CACNA1D: variants seen among roughly 807,000 people sequenced by gnomAD.
CACNA1D encodes voltage-dependent L-type calcium channel subunit alpha-1D.
In CACNA1D, 55 loss-of-function variants were observed where a neutral mutation model predicts 257.1. That is an observed-to-expected ratio of 0.21 (90% CI 0.17 to 0.27). The LOEUF is 0.27. CACNA1D is among the 10% of genes least tolerant of loss of function. The pLI is 1.00. For missense variants in CACNA1D, 1,876 were observed against 2,784.0 expected (o/e 0.67, Z 7.34); for synonymous variants, 980 against 1,014.9 (o/e 0.97, Z 0.65).
chr3:53,673,977 A>G lies in CACNA1D; in HGVS notation c.1220+851A>G. 1.4e-6 allele frequency: 1 copy of G among 702,480 alleles called. No individual in the cohort carries two copies. Among genetic ancestry groups the G allele is most frequent in the South Asian group, 1.5e-5 (1 of 66,124 alleles). The allele number at this position is 702,480 out of a possible 1,614,324, so 43.5% of individuals were successfully genotyped here. A position where few individuals can be genotyped will look rare whatever the true frequency, so the allele number is the denominator to read the frequency against. On this transcript the variant is annotated intron_variant, in intron 8 of 47. Coordinates refer to ENST00000350061, the MANE Select transcript of CACNA1D (RefSeq NM_001128840.3). This position sits in a 1 kb window ranked among gnomAD's most constrained non-coding sequence, Gnocchi z 4.1. Reference sequence around the variant, plus strand: ...TTGAACTGTGATTCTTTCTGCCTGTATCTGTCTGTGAGATTCCGTGTTTCC... The same window carrying G: ...TTGAACTGTGATTCTTTCTGCCTGTGTCTGTCTGTGAGATTCCGTGTTTCC...
intron 29 of CACNA1D, among the ~76,000 whole-genome samples, chr3:53,755,938 G>T (rs989955302): frequency 7.9e-5 from 12 of 152,196 alleles, no homozygotes. Flanking sequence ...TGTCAAGGCT[G>T]CAGAAGGAGG....
intron 5 of CACNA1D, among the ~76,000 whole-genome samples, chr3:53,665,183 A>G (rs967289172): frequency 6.6e-6 from 1 of 151,846 alleles, no homozygotes; most frequent in Non-Finnish European, 1.5e-5. Flanking sequence ...ACACCTATTA[A>G]TTTTAACTAT....
intron 40 of CACNA1D, among the ~76,000 whole-genome samples, chr3:53,792,638 C>A (rs1235190492): frequency 6.6e-6 from 1 of 152,096 alleles, no homozygotes; most frequent in Non-Finnish European, 1.5e-5. Flanking sequence ...CCTGGGAGGG[C>A]AGGAGTCCCA....
Position 53,673,604 on chromosome 3 carries a change from C to T in CACNA1D, c.1220+478C>T. ...GGAAGGACCTAGGCCCAGTCCCTGT[C>T]CTAGGAGCACTAACCTTCAGCAAAG... On this transcript the variant is annotated intron_variant, in intron 8 of 47. Transcript: ENST00000350061. The surrounding 1 kb of genome is among the most constrained non-coding windows in gnomAD (Gnocchi z 4.1). The T allele has an allele frequency of 1.2e-6, 1 of 834,270 alleles. No individual in the cohort carries two copies. The highest frequency in any genetic ancestry group is 1.7e-5 in the African/African-American group (1 of 59,912). The allele number at this position is 834,270 out of a possible 1,614,324, so 51.7% of individuals were successfully genotyped here. A position where few individuals can be genotyped will look rare whatever the true frequency, so the allele number is the denominator to read the frequency against.
chr3:53,553,493 A>T (rs2092577039), intron 3 of CACNA1D, among the ~76,000 whole-genome samples: 1 of 152,172 alleles, frequency 6.6e-6, no homozygotes, highest in Non-Finnish European at 1.5e-5. Context: ...TGCTGCCACC[A>T]CTGCCAGGTA....
chr3:53,714,149 T>G (rs945314524), intron 9 of CACNA1D, among the ~76,000 whole-genome samples: 1 of 152,308 alleles, frequency 6.6e-6, no homozygotes, highest in East Asian at 1.9e-4. Context: ...GCTCTAACAT[T>G]CCAGTTTCCT....
In CACNA1D at chr3:53,789,304, A is replaced by AT. The variant is rs1177544091; in HGVS notation, c.4923+2353dup. On this transcript the variant is annotated intron_variant, in intron 40 of 47. Transcript: ENST00000350061. The surrounding 1 kb of genome is among the most constrained non-coding windows in gnomAD (Gnocchi z 4.2). ...AAATTAAGTTGTGTTCATAATCTTAATAGAGAAACTGAAAATGTACTTGAT... is the reference window on the plus strand; with the variant it reads ...AAATTAAGTTGTGTTCATAATCTTAATTAGAGAAACTGAAAATGTACTTGAT... Among the ~76,000 whole-genome samples, 1 of 152,254 alleles carries AT rather than the reference A, an allele frequency of 6.6e-6. No homozygotes were observed. Among genetic ancestry groups the AT allele is most frequent in the African/African-American group, 2.4e-5 (1 of 41,468 alleles).
At chr3:53,695,816 T>G (rs2094568137) in intron 8 of CACNA1D, among the ~76,000 whole-genome samples, 1 of 152,218 alleles carries the variant, frequency 6.6e-6, no homozygotes, top group Non-Finnish European at 1.5e-5. Flanking sequence ...CATTTTCTGT[T>G]CACGCATAAC....
At chr3:53,586,273 AT>A (rs1575980199) in intron 3 of CACNA1D, among the ~76,000 whole-genome samples, 2 of 124,552 alleles carry the variant, frequency 1.6e-5, no homozygotes, top group South Asian at 2.7e-4. Context: ...CCTTGCCTCT[AT>A]TCTGTGTGTG....
chr3:53,787,162 C>T (rs2095458362), intron 40 of CACNA1D, among the ~76,000 whole-genome samples: 1 of 152,124 alleles, frequency 6.6e-6, no homozygotes, highest in Admixed American at 6.5e-5. Context: ...TAGAGCCCTG[C>T]ACCTGCCACT....
intron 8 of CACNA1D, among the ~76,000 whole-genome samples, chr3:53,694,062 CTGTT>C (rs1188758884): frequency 9.2e-5 from 14 of 152,182 alleles, no homozygotes; most frequent in African/African-American, 2.9e-4. Context: ...ACCTGCACCT[CTGTT>C]TGTGTGTGAT....
chr3:53,771,255 G>T (rs3774584), intron 32 of CACNA1D, among the ~76,000 whole-genome samples: 1 of 152,226 alleles, frequency 6.6e-6, no homozygotes, highest in Non-Finnish European at 1.5e-5. Flanking sequence ...TAGGGAATTT[G>T]TGGATATCTA....
rs1018460781 is a variant in CACNA1D, at chr3:53,811,680, C to G, written c.*274C>G. 8.7e-6 allele frequency: 3 copies of G among 342,980 alleles called. No individual in the cohort carries two copies. The highest frequency in any genetic ancestry group is 2.1e-5 in the African/African-American group (1 of 47,666). The allele number at this position is 342,980 out of a possible 1,614,324, so 21.2% of individuals were successfully genotyped here. On this transcript the variant is annotated 3_prime_UTR_variant, in exon 48 of 48. Coordinates refer to ENST00000350061, the MANE Select transcript of CACNA1D (RefSeq NM_001128840.3). The surrounding 1 kb of genome is among the most constrained non-coding windows in gnomAD (Gnocchi z 4.2). Reference sequence around the variant, plus strand: ...ACAGAGGATGGGTGAGGAGGCCAGACCTGCCCTGCCCCATTGTCCAGATGG... The same window carrying G: ...ACAGAGGATGGGTGAGGAGGCCAGAGCTGCCCTGCCCCATTGTCCAGATGG...
At chr3:53,771,839 T>G (rs2095367941) in intron 32 of CACNA1D, among the ~76,000 whole-genome samples, 1 of 151,912 alleles carries the variant, frequency 6.6e-6, no homozygotes, top group African/African-American at 2.4e-5. Flanking sequence ...TGCACGTAGG[T>G]ATGTTGAGGA....
intron 3 of CACNA1D, among the ~76,000 whole-genome samples, chr3:53,622,448 A>G (rs2108047465): frequency 6.6e-6 from 1 of 152,388 alleles, no homozygotes; most frequent in South Asian, 2.1e-4. Context: ...GCCATTAAAA[A>G]GAACAAGATC....
At chr3:53,635,490 A>G (rs1294886229) in intron 3 of CACNA1D, among the ~76,000 whole-genome samples, 1 of 152,124 alleles carries the variant, frequency 6.6e-6, no homozygotes, top group Non-Finnish European at 1.5e-5. Context: ...TGGGTGGGTT[A>G]TGAGTTAGTT....
chr3:53,530,640 C>T (rs1291811013), intron 3 of CACNA1D, among the ~76,000 whole-genome samples: 1 of 152,178 alleles, frequency 6.6e-6, no homozygotes, highest in Non-Finnish European at 1.5e-5. Flanking sequence ...TCACCACTTC[C>T]ATGGGTGGTG....
At chr3:53,733,851 G>C (rs2095024519) in intron 19 of CACNA1D, among the ~76,000 whole-genome samples, 1 of 149,248 alleles carries the variant, frequency 6.7e-6, no homozygotes, top group Admixed American at 6.7e-5. Context: ...GCTCACCACT[G>C]TTTGGGTGTT....
At chr3:53,506,854 A>G (rs570181432) in intron 3 of CACNA1D, among the ~76,000 whole-genome samples, 2 of 152,306 alleles carry the variant, frequency 1.3e-5, no homozygotes, top group Admixed American at 1.3e-4. Context: ...TCAATGTTGT[A>G]TATTAGCCAC....
Sources: gnomAD v4.1 joint callset for allele counts (sites outside exome capture counted in the v4.1 genomes callset) on GRCh38, gnomAD v4.1.1 for gene constraint, Gnocchi (gnomAD v3.1) non-coding constraint, MANE v1.5 for transcripts, NCBI Gene and HGNC (gene_info 2026-07-23, HGNC 2026-07-21) for gene names.